Variants in SPATA16 observed in about 807,000 individuals in gnomAD.
The protein encoded by SPATA16 is spermatogenesis-associated protein 16.
In SPATA16, 36 loss-of-function variants were observed where a neutral mutation model predicts 63.3. That is an observed-to-expected ratio of 0.57 (90% CI 0.44 to 0.75). The LOEUF is 0.75. SPATA16 is among the 30% of genes least tolerant of loss of function. The pLI, the probability that SPATA16 is intolerant of heterozygous loss-of-function variation, is 0.00. For missense variants in SPATA16, 646 were observed against 679.3 expected (o/e 0.95, Z 0.54); for synonymous variants, 203 against 216.7 (o/e 0.94, Z 0.56).
At chr3:173,092,270 A>G (rs1737243912) in intron 2 of SPATA16, among the ~76,000 whole-genome samples, 1 of 152,152 alleles carries the variant, frequency 6.6e-6, no homozygotes, top group Admixed American at 6.6e-5. Context: ...TAGTCTTCAC[A>G]GTTCTTGACA....
At chr3:172,975,395 C>G (rs1018435174) in intron 5 of SPATA16, among the ~76,000 whole-genome samples, 1 of 152,114 alleles carries the variant, frequency 6.6e-6, no homozygotes, top group African/African-American at 2.4e-5. Context: ...GTCAAGCATT[C>G]GCTGGGGACC....
At chr3:172,903,725 A>G (rs1264812236) in intron 10 of SPATA16, among the ~76,000 whole-genome samples, 1 of 152,218 alleles carries the variant, frequency 6.6e-6, no homozygotes, top group Non-Finnish European at 1.5e-5. Context: ...AAACCTTAAC[A>G]TGATATGTCT....
At chr3:173,086,974 C>T (rs1464118258) in intron 2 of SPATA16, among the ~76,000 whole-genome samples, 1 of 152,058 alleles carries the variant, frequency 6.6e-6, no homozygotes, top group Non-Finnish European at 1.5e-5. Flanking sequence ...AGAGCAAATG[C>T]CATGTGGAGC....
chr3:173,136,859 A>G (rs1738558952), intron 1 of SPATA16, among the ~76,000 whole-genome samples: 1 of 152,184 alleles, frequency 6.6e-6, no homozygotes, highest in Non-Finnish European at 1.5e-5. Flanking sequence ...CAGAGAAGAC[A>G]GTGACTCAAG....
At chr3:172,949,176 A>AT (rs1054754473) in intron 6 of SPATA16, among the ~76,000 whole-genome samples, 23 of 152,164 alleles carry the variant, frequency 1.5e-4, no homozygotes, top group Non-Finnish European at 2.9e-4. Flanking sequence ...TTTAAAATGG[A>AT]TTTTTTTATG....
intron 5 of SPATA16, among the ~76,000 whole-genome samples, chr3:172,963,475 T>C (rs1577109128): frequency 6.6e-6 from 1 of 151,850 alleles, no homozygotes; most frequent in Admixed American, 6.6e-5. Flanking sequence ...TTAAAGTATT[T>C]AATTTAGTTT....
chr3:173,060,557 G>T (rs1736352884), intron 2 of SPATA16, among the ~76,000 whole-genome samples: 1 of 152,066 alleles, frequency 6.6e-6, no homozygotes, highest in Non-Finnish European at 1.5e-5. Flanking sequence ...CATTACTAAA[G>T]AATTTTTACA....
At chr3:172,916,582 T>A (rs1231264912) in intron 8 of SPATA16, 101 bp from the exon 9 acceptor site, 1 of 1,270,154 alleles carries the variant, frequency 7.9e-7, no homozygotes, top group Non-Finnish European at 1.1e-6. Context: ...TTACATCTTT[T>A]GAAATAACGG....
chr3:172,987,756 T>C (rs901446873), intron 4 of SPATA16, among the ~76,000 whole-genome samples: 18 of 152,168 alleles, frequency 1.2e-4, no homozygotes, highest in Admixed American at 1.1e-3. Context: ...CAGTTGGAAA[T>C]AAGAGTACTT....
At chr3:173,004,751 G>A (rs1734902620) in intron 4 of SPATA16, among the ~76,000 whole-genome samples, 1 of 152,160 alleles carries the variant, frequency 6.6e-6, no homozygotes, top group Non-Finnish European at 1.5e-5. Flanking sequence ...GAGAGTTTAT[G>A]ATGTGCCAAA....
At chr3:172,933,942 CAGTT>C (rs1471730862) in intron 6 of SPATA16, among the ~76,000 whole-genome samples, 2 of 152,012 alleles carry the variant, frequency 1.3e-5, no homozygotes, top group African/African-American at 4.8e-5. Flanking sequence ...AGAAAAATAA[CAGTT>C]GGGGGATTTG....
chr3:172,904,999 C>G (rs1183482015), intron 10 of SPATA16, among the ~76,000 whole-genome samples: 2 of 152,060 alleles, frequency 1.3e-5, no homozygotes, highest in African/African-American at 4.8e-5. Context: ...CTCTTTCAGC[C>G]CCTTGGGTCT....
intron 6 of SPATA16, among the ~76,000 whole-genome samples, chr3:172,936,892 G>T (rs1189095417): frequency 3.3e-5 from 5 of 151,960 alleles, no homozygotes; most frequent in African/African-American, 1.2e-4. Context: ...TGTATTTTTA[G>T]TAGAGATAGG....
intron 2 of SPATA16, among the ~76,000 whole-genome samples, chr3:173,088,010 CT>C: frequency 3.6e-5 from 1 of 27,882 alleles, no homozygotes; most frequent in Non-Finnish European, 8.0e-5. Flanking sequence ...TTCTTTCCGT[CT>C]TTCTTTCTTT....
intron 2 of SPATA16, among the ~76,000 whole-genome samples, chr3:173,064,704 G>C (rs768264499): frequency 2.6e-5 from 4 of 152,148 alleles, no homozygotes; most frequent in Non-Finnish European, 4.4e-5. Flanking sequence ...AGGAATATGG[G>C]AGAGTAAGAC....
chr3:173,033,833 TAGCTGGGAC>T (rs1735657409), intron 3 of SPATA16, among the ~76,000 whole-genome samples: 1 of 152,034 alleles, frequency 6.6e-6, no homozygotes, highest in Non-Finnish European at 1.5e-5. Context: ...GCCTCCCAGG[TAGCTGGGAC>T]TACAGGTGTG....
At chr3:173,085,081 A>T (rs1474642736) in intron 2 of SPATA16, among the ~76,000 whole-genome samples, 4 of 152,064 alleles carry the variant, frequency 2.6e-5, no homozygotes, top group African/African-American at 9.7e-5. Context: ...AATGAAAATA[A>T]CATTGAATCT....
At chr3:172,972,354 A>C (rs962953175) in intron 5 of SPATA16, among the ~76,000 whole-genome samples, 9 of 152,156 alleles carry the variant, frequency 5.9e-5, no homozygotes, top group Non-Finnish European at 1.3e-4. Context: ...ACTGCTGTGA[A>C]AGTCTTCAGC....
At chr3:173,026,513 A>G (rs1268067774) in intron 3 of SPATA16, among the ~76,000 whole-genome samples, 1 of 151,948 alleles carries the variant, frequency 6.6e-6, no homozygotes, top group Admixed American at 6.6e-5. Context: ...ACTTTGCTTA[A>G]TCCAAGGTGA....
Sources: allele counts gnomAD v4.1 joint callset (sites outside exome capture counted in the v4.1 genomes callset), GRCh38; gene constraint gnomAD v4.1.1; transcripts MANE v1.5; gene names NCBI Gene and HGNC (gene_info 2026-07-23, HGNC 2026-07-21).